UBE3C: variants seen among roughly 807,000 people sequenced by gnomAD.
UBE3C encodes the protein ubiquitin-protein ligase E3C.
In UBE3C, 42 loss-of-function variants were observed where a neutral mutation model predicts 129.4. The observed-to-expected ratio is 0.32, with a 90% CI of 0.25 to 0.42. The LOEUF is 0.42. Ranked by LOEUF, UBE3C falls within the 10% of genes least tolerant of loss-of-function variation. The probability of loss-of-function intolerance (pLI) is 1.00; values close to 1 mark genes in which losing one functional copy is unlikely to be tolerated. For missense variants in UBE3C, 1,049 were observed against 1,319.1 expected (o/e 0.80, Z 3.17); for synonymous variants, 510 against 492.4 (o/e 1.04, Z -0.47).
intron 1 of UBE3C, among the ~76,000 whole-genome samples, chr7:157,145,756 A>G (rs1807587210): frequency 6.6e-6 from 1 of 152,076 alleles, no homozygotes; most frequent in Non-Finnish European, 1.5e-5. Context: ...TTTATCAATT[A>G]ATAAGCTTTT....
chr7:157,163,673 C>G (rs1808136522), intron 1 of UBE3C, 137 bp from the exon 2 acceptor site: 1 of 806,872 alleles, frequency 1.2e-6, no homozygotes, highest in South Asian at 1.8e-5. Flanking sequence ...CAGATTCTCT[C>G]ATCTGATTAA....
At position 157,139,428 on chromosome 7, in the gene UBE3C, CTCGGGGCCGAGACTTGGGGCTGGAT is replaced by C. The variant is rs1177588277; in HGVS notation, c.66+99_66+123del. 4,745 of 1,230,228 alleles carry C rather than the reference CTCGGGGCCGAGACTTGGGGCTGGAT, an allele frequency of 3.9e-3. 21 individuals are homozygous for C. Among genetic ancestry groups the C allele is most frequent in the Non-Finnish European group, 3.9e-3 (3,641 of 945,144 alleles). 76.2% of individuals were successfully genotyped at this position (1,230,228 alleles called of 1,614,324 possible). ...ACTCGGGGCTGGACTCGGGGCTGGA[CTCGGGGCCGAGACTTGGGGCTGGAT>C]TCGGGGCCTCCCTGGCGGGGACTCG... On this transcript the variant is annotated intron_variant, in intron 1 of 22. Coordinates refer to ENST00000348165, the MANE Select transcript of UBE3C (RefSeq NM_014671.3).
intron 11 of UBE3C, among the ~76,000 whole-genome samples, chr7:157,206,168 A>G (rs1267976504): frequency 2.0e-5 from 3 of 152,238 alleles, no homozygotes; most frequent in African/African-American, 7.2e-5. Flanking sequence ...TATTAGCTAA[A>G]AGTTCCATAA....
intron 14 of UBE3C, among the ~76,000 whole-genome samples, chr7:157,218,647 G>A (rs1473172579): frequency 6.6e-6 from 1 of 152,200 alleles, no homozygotes; most frequent in African/African-American, 2.4e-5. Context: ...GGCCCAGGCT[G>A]GGGTTGCTTC....
Position 157,257,059 on chromosome 7 carries a change from T to C in UBE3C, c.3081+15T>C, listed in dbSNP as rs757531589. 4.3e-6 allele frequency: 7 copies of C among 1,613,662 alleles called. No homozygotes were observed. The highest frequency in any genetic ancestry group is 2.7e-5 in the African/African-American group (2 of 74,926). ...TGGGGTTTAAGGTACACAACTTTCA[T>C]GACATTTGCTTTAAAGACCACTTCA... On this transcript the variant is annotated intron_variant, in intron 22 of 22. Coordinates refer to ENST00000348165, the MANE Select transcript of UBE3C (RefSeq NM_014671.3).
At chr7:157,205,518 G>GC (rs879340685) in intron 11 of UBE3C, among the ~76,000 whole-genome samples, 3 of 152,180 alleles carry the variant, frequency 2.0e-5, no homozygotes, top group African/African-American at 4.8e-5. Context: ...GCTGTCATAG[G>GC]CAGGGCTGTT....
intron 13 of UBE3C, among the ~76,000 whole-genome samples, chr7:157,214,824 CA>C: frequency 6.6e-6 from 1 of 152,176 alleles, no homozygotes; most frequent in East Asian, 1.9e-4. Context: ...TGTATTAGGT[CA>C]ATGACAGTAC....
At chr7:157,173,168 G>A (rs1224092007) in intron 4 of UBE3C, among the ~76,000 whole-genome samples, 2 of 152,182 alleles carry the variant, frequency 1.3e-5, no homozygotes, top group Non-Finnish European at 2.9e-5. Context: ...CAGGCCAGGA[G>A]TTTGAGACCA....
intron 21 of UBE3C, 97 bp downstream of exon 21, chr7:157,254,407 T>TTA (rs1796694231): frequency 2.8e-6 from 2 of 711,600 alleles, no homozygotes; most frequent in African/African-American, 3.8e-5. Flanking sequence ...TATTTATTTT[T>TTA]TTTTTTTCAG....
chr7:157,223,146 T>C (rs762216663), intron 15 of UBE3C, 108 bp from the exon 16 acceptor site: 22 of 1,171,936 alleles, frequency 1.9e-5, no homozygotes, highest in Non-Finnish European at 2.6e-5. Context: ...TGGATTTAGA[T>C]AAATGAGTTA....
chr7:157,259,775 G>T (rs1419467142), intron 22 of UBE3C, among the ~76,000 whole-genome samples: 3 of 152,158 alleles, frequency 2.0e-5, no homozygotes, highest in Non-Finnish European at 4.4e-5. Context: ...GGATTGTGGG[G>T]GTCGCTGCGG....
At chr7:157,203,172 A>T (rs1326353292) in intron 11 of UBE3C, among the ~76,000 whole-genome samples, 1 of 152,190 alleles carries the variant, frequency 6.6e-6, no homozygotes, top group Non-Finnish European at 1.5e-5. Flanking sequence ...TCAGTTTCTC[A>T]ATATTATTAC....
At chr7:157,259,500 G>A (rs1054395079) in intron 22 of UBE3C, among the ~76,000 whole-genome samples, 2 of 152,162 alleles carry the variant, frequency 1.3e-5, no homozygotes, top group South Asian at 2.1e-4. Context: ...ATAATTCACA[G>A]TACATGAACT....
intron 18 of UBE3C, among the ~76,000 whole-genome samples, chr7:157,238,237 A>G (rs1255355643): frequency 2.0e-5 from 3 of 152,194 alleles, no homozygotes; most frequent in East Asian, 3.8e-4. Context: ...GGTGGAGGTC[A>G]CGCTCTGGAG....
At chr7:157,247,184 C>T (rs892571893) in intron 18 of UBE3C, among the ~76,000 whole-genome samples, 5 of 152,186 alleles carry the variant, frequency 3.3e-5, no homozygotes, top group African/African-American at 1.2e-4. Flanking sequence ...CCGCACCTGG[C>T]CTGACTAGAT....
chr7:157,192,031 A>C (rs1808982555), intron 10 of UBE3C, among the ~76,000 whole-genome samples: 1 of 152,268 alleles, frequency 6.6e-6, no homozygotes, highest in South Asian at 2.1e-4. Context: ...ATTTCAGCAC[A>C]TAGTGATCTT....
chr7:157,252,135 CAA>C (rs1166651783), intron 19 of UBE3C, among the ~76,000 whole-genome samples: 1 of 139,928 alleles, frequency 7.1e-6, no homozygotes. Flanking sequence ...GACCTTGTCT[CAA>C]AAAAAAAAAA....
intron 13 of UBE3C, among the ~76,000 whole-genome samples, chr7:157,216,228 G>A (rs865981128): frequency 6.6e-6 from 1 of 152,016 alleles, no homozygotes; most frequent in Non-Finnish European, 1.5e-5. Context: ...CCCTAGTGCC[G>A]TTAGTACATT....
intron 21 of UBE3C, among the ~76,000 whole-genome samples, chr7:157,255,378 T>A (rs1033616259): frequency 1.3e-5 from 2 of 152,230 alleles, no homozygotes; most frequent in Non-Finnish European, 2.9e-5. Context: ...GTTGCAAAAC[T>A]CTAAACTTAC....
Sources: gnomAD v4.1 joint callset for allele counts (sites outside exome capture counted in the v4.1 genomes callset) on GRCh38, gnomAD v4.1.1 for gene constraint, MANE v1.5 for transcripts, NCBI Gene and HGNC (gene_info 2026-07-23, HGNC 2026-07-21) for gene names.